COP1: variants seen among roughly 807,000 people sequenced by gnomAD.
The protein encoded by COP1 is COP1 E3 ubiquitin ligase.
In COP1, 24 loss-of-function variants were observed where a neutral mutation model predicts 101.3. The observed-to-expected ratio is 0.24, with a 90% CI of 0.17 to 0.33. The LOEUF is 0.33. COP1 is among the 10% of genes least tolerant of loss of function. The pLI, the probability that COP1 is intolerant of heterozygous loss-of-function variation, is 1.00. For missense variants in COP1, 663 were observed against 906.2 expected, an observed-to-expected ratio of 0.73 and a Z score of 3.45; for synonymous variants, 347 against 341.9, an observed-to-expected ratio of 1.01 and a Z score of -0.17.
intron 15 of COP1, among the ~76,000 whole-genome samples, chr1:176,013,305 G>T (rs1475122063): frequency 6.6e-6 from 1 of 152,012 alleles, no homozygotes; most frequent in Non-Finnish European, 1.5e-5. Flanking sequence ...AAGAAAATAC[G>T]GTTCAGAAAT....
intron 3 of COP1, among the ~76,000 whole-genome samples, chr1:176,172,803 C>T (rs1425908375): frequency 1.3e-5 from 2 of 152,184 alleles, no homozygotes; most frequent in Non-Finnish European, 2.9e-5. Flanking sequence ...ATCTCAATGA[C>T]ATTACTCTGA....
intron 11 of COP1, among the ~76,000 whole-genome samples, chr1:176,062,927 AT>A (rs1558031577): frequency 6.6e-6 from 1 of 152,132 alleles, no homozygotes; most frequent in African/African-American, 2.4e-5. Flanking sequence ...CTTATAAGAA[AT>A]TTTTAAATGG....
chr1:176,017,911 C>A (rs759330622), intron 15 of COP1, among the ~76,000 whole-genome samples: 1 of 152,164 alleles, frequency 6.6e-6, no homozygotes. Context: ...TTTTAGAGAA[C>A]TGAAAGAAAG....
chr1:176,205,171 A>G (rs1266992843), intron 1 of COP1, among the ~76,000 whole-genome samples: 1 of 152,226 alleles, frequency 6.6e-6, no homozygotes, highest in East Asian at 1.9e-4. Context: ...GGCTAAAAAG[A>G]CAACTAAATT....
intron 18 of COP1, among the ~76,000 whole-genome samples, chr1:175,971,885 C>A (rs951663365): frequency 1.3e-5 from 2 of 152,084 alleles, no homozygotes; most frequent in Non-Finnish European, 2.9e-5. Context: ...CCAAAGTGAC[C>A]AACAGACCAT....
At chr1:176,043,341 A>C (rs1364810651) in intron 13 of COP1, 74 bp from the exon 14 acceptor site, 6 of 874,132 alleles carry the variant, frequency 6.9e-6, no homozygotes, top group East Asian at 4.9e-5. Flanking sequence ...AAAAAAAAAA[A>C]CCTGATATCA....
intron 15 of COP1, among the ~76,000 whole-genome samples, chr1:175,992,636 G>A (rs954975739): frequency 6.6e-6 from 1 of 152,188 alleles, no homozygotes; most frequent in East Asian, 1.9e-4. Context: ...ACGGAGTCTC[G>A]CTGACTGCAA....
At chr1:176,178,358 T>C (rs1697255073) in intron 2 of COP1, among the ~76,000 whole-genome samples, 1 of 148,696 alleles carries the variant, frequency 6.7e-6, no homozygotes, top group Middle Eastern at 3.5e-3. Flanking sequence ...AAAATAATAA[T>C]AATAAATGCA....
intron 6 of COP1, among the ~76,000 whole-genome samples, chr1:176,143,202 G>C (rs1456404606): frequency 6.6e-6 from 1 of 151,692 alleles, no homozygotes; most frequent in Non-Finnish European, 1.5e-5. Flanking sequence ...ATGAACCCTG[G>C]TGACATTAAA....
chr1:176,125,861 C>T (rs1687901639), intron 8 of COP1, among the ~76,000 whole-genome samples: 2 of 152,088 alleles, frequency 1.3e-5, no homozygotes, highest in South Asian at 4.1e-4. Flanking sequence ...ATTAACATGG[C>T]ATACCTTTCC....
At position 176,143,228 on chromosome 1, in the gene COP1, T is replaced by C. The variant is rs570488344; in HGVS notation, c.831+5778A>G. Among the ~76,000 whole-genome samples the C allele has an allele frequency of 8.2e-4, 125 of 151,766 alleles. 1 individual carries two copies. Among genetic ancestry groups the C allele is most frequent in the African/African-American group, 2.8e-3 (116 of 41,364 alleles). ...TGACATTAAAAACTTAAGACTCTAT[T>C]AAGACCAATCTTACGCCAATAAATT... is the stretch of plus-strand genomic sequence containing the variant. On this transcript the variant is annotated intron_variant, in intron 6 of 19. Transcript: ENST00000367669.
At chr1:176,112,470 C>T (rs1264537569) in intron 9 of COP1, among the ~76,000 whole-genome samples, 1 of 152,046 alleles carries the variant, frequency 6.6e-6, no homozygotes, top group Non-Finnish European at 1.5e-5. Context: ...GTGGGGGGTA[C>T]ATGTAATATT....
rs561948297 is a variant in COP1 at position 176,025,935 on chromosome 1, A to T, written c.1729+1637T>A. Among the ~76,000 whole-genome samples, 11 of 152,146 alleles carry T rather than the reference A, an allele frequency of 7.2e-5. No individual in the cohort carries two copies. The South Asian group carries it at 2.3e-3, about 32-fold the overall frequency. On this transcript the variant is annotated intron_variant, in intron 15 of 19. Transcript: ENST00000367669. ...CCCAAACAAATAAAAAAGACACCTAATGTAACTGTGGAAAGACATACTATC... is the reference window on the plus strand; with the variant it reads ...CCCAAACAAATAAAAAAGACACCTATTGTAACTGTGGAAAGACATACTATC...
chr1:176,095,546 G>A (rs565158473), intron 9 of COP1, among the ~76,000 whole-genome samples: 1 of 152,190 alleles, frequency 6.6e-6, no homozygotes, highest in African/African-American at 2.4e-5. Flanking sequence ...GCTGGGCATG[G>A]TGGCATACAC....
chr1:176,104,006 A>G (rs1441536480), intron 9 of COP1, among the ~76,000 whole-genome samples: 2 of 152,186 alleles, frequency 1.3e-5, no homozygotes, highest in Non-Finnish European at 2.9e-5. Flanking sequence ...AGATAGGGGA[A>G]GAAGAGAAGT....
Position 176,037,299 on chromosome 1 carries a change from C to T in COP1, c.1612+5887G>A, listed in dbSNP as rs1351243010. Among the ~76,000 whole-genome samples, 5 of 151,434 alleles carry T rather than the reference C, an allele frequency of 3.3e-5. No individual in the cohort carries two copies. In the East Asian group the frequency reaches 7.8e-4, roughly 24 times the overall value. On this transcript the variant is annotated intron_variant, in intron 14 of 19. Transcript: ENST00000367669. ...GCGGGTGCCCGTAGTCCCAGCTACT[C>T]GGGATGCTGAGGCAGGAGAATGGCA... is the stretch of plus-strand genomic sequence containing the variant.
chr1:175,989,746 C>T (rs1038561601), intron 15 of COP1, among the ~76,000 whole-genome samples: 1 of 152,056 alleles, frequency 6.6e-6, no homozygotes, highest in African/African-American at 2.4e-5. Flanking sequence ...CATTATGGGA[C>T]ATCTGGATAA....
At chr1:176,042,337 G>T (rs1181251871) in intron 14 of COP1, among the ~76,000 whole-genome samples, 4 of 150,556 alleles carry the variant, frequency 2.7e-5, no homozygotes, top group Non-Finnish European at 5.9e-5. Flanking sequence ...GAGGCAGCAG[G>T]GCAGATCACT....
At chr1:176,087,410 G>A (rs956557808) in intron 9 of COP1, among the ~76,000 whole-genome samples, 2 of 151,550 alleles carry the variant, frequency 1.3e-5, no homozygotes, top group African/African-American at 2.4e-5. Context: ...AGAAATTTAC[G>A]AGAAAAAATC....
Sources: allele counts gnomAD v4.1 joint callset (sites outside exome capture counted in the v4.1 genomes callset), GRCh38; gene constraint gnomAD v4.1.1; transcripts MANE v1.5; gene names NCBI Gene and HGNC (gene_info 2026-07-23, HGNC 2026-07-21).